The following TMEM132C variants were observed in gnomAD, a reference collection of about 807,000 sequenced individuals.
TMEM132C encodes the protein transmembrane protein 132C.
Under a neutral mutation model 61.4 loss-of-function variants are expected in TMEM132C, and 29 were observed. The ratio of observed to expected loss-of-function variants is 0.47; its 90% CI spans 0.35 to 0.64. The LOEUF (loss-of-function observed/expected upper bound fraction) is 0.64, where lower values mean the gene tolerates loss of function less well. Ranked by LOEUF, TMEM132C falls within the 30% of genes least tolerant of loss-of-function variation. TMEM132C has a pLI of 0.00. For synonymous variants in TMEM132C, 656 were observed against 633.1 expected (o/e 1.04, Z -0.54); for missense variants, 1,408 against 1,476.9 (o/e 0.95, Z 0.76).
intron 3 of TMEM132C, among the ~76,000 whole-genome samples, chr12:128,582,939 C>T (rs1415023614): frequency 6.6e-6 from 1 of 152,110 alleles, no homozygotes; most frequent in African/African-American, 2.4e-5. Flanking sequence ...GGTGCCCAGC[C>T]CTGTACAGAC....
At chr12:128,664,956 C>CACACAGGCACTTGCAATAA (rs1954441185) in intron 4 of TMEM132C, among the ~76,000 whole-genome samples, 1 of 152,050 alleles carries the variant, frequency 6.6e-6, no homozygotes, top group African/African-American at 2.4e-5. Flanking sequence ...CAATATCATA[C>CACACAGGCACTTGCAATAA]ACACAGGCAC....
chr12:128,533,992 C>T (rs1170455634), intron 2 of TMEM132C, among the ~76,000 whole-genome samples: 1 of 151,272 alleles, frequency 6.6e-6, no homozygotes, highest in African/African-American at 2.4e-5. Flanking sequence ...CCTCATCATA[C>T]CCAGGCACTC....
At chr12:128,279,146 T>A (rs1432006622) in intron 1 of TMEM132C, among the ~76,000 whole-genome samples, 2 of 152,116 alleles carry the variant, frequency 1.3e-5, no homozygotes, top group African/African-American at 4.8e-5. Context: ...GCAAAGGGAA[T>A]TTTGTTTTCT....
intron 3 of TMEM132C, among the ~76,000 whole-genome samples, chr12:128,601,061 C>T (rs1876168312): frequency 6.6e-6 from 1 of 152,178 alleles, no homozygotes. Context: ...GGAGCAAATC[C>T]AGTTTCTGTC....
chr12:128,490,411 AT>A (rs1318300986), intron 2 of TMEM132C, among the ~76,000 whole-genome samples: 4 of 152,138 alleles, frequency 2.6e-5, no homozygotes, highest in Non-Finnish European at 5.9e-5. Context: ...TGTGAAGCAA[AT>A]TCCCCCCTTC....
chr12:128,525,443 C>G (rs1330649461), intron 2 of TMEM132C, among the ~76,000 whole-genome samples: 2 of 152,038 alleles, frequency 1.3e-5, no homozygotes, highest in East Asian at 3.9e-4. Flanking sequence ...CAACCTCACA[C>G]CTGCCAACCT....
At chr12:128,577,166 G>A (rs192921991) in intron 3 of TMEM132C, among the ~76,000 whole-genome samples, 9 of 152,230 alleles carry the variant, frequency 5.9e-5, no homozygotes, top group Admixed American at 1.3e-4. Context: ...TTATGTACAT[G>A]GAATCATAAA....
At chr12:128,333,066 A>G (rs183401243) in intron 1 of TMEM132C, among the ~76,000 whole-genome samples, 2 of 151,742 alleles carry the variant, frequency 1.3e-5, no homozygotes, top group Admixed American at 1.3e-4. Context: ...TTGTGTGTAT[A>G]TGTATGGGTG....
intron 4 of TMEM132C, among the ~76,000 whole-genome samples, chr12:128,631,910 C>G (rs1353810476): frequency 6.6e-6 from 1 of 152,312 alleles, no homozygotes; most frequent in East Asian, 1.9e-4. Context: ...AAGCAGCCAC[C>G]CTGACTGTGA....
chr12:128,532,215 T>G (rs1042813346), intron 2 of TMEM132C, among the ~76,000 whole-genome samples: 1 of 152,182 alleles, frequency 6.6e-6, no homozygotes, highest in African/African-American at 2.4e-5. Context: ...AATGTGTATT[T>G]AGGGGAAAAG....
intron 1 of TMEM132C, among the ~76,000 whole-genome samples, chr12:128,309,439 C>T (rs529480598): frequency 6.6e-5 from 10 of 152,226 alleles, no homozygotes; most frequent in African/African-American, 1.7e-4. Context: ...TGGTATTCAG[C>T]GCATTCACAA....
intron 3 of TMEM132C, among the ~76,000 whole-genome samples, chr12:128,601,360 C>T (rs554159261): frequency 9.8e-5 from 15 of 152,346 alleles, no homozygotes; most frequent in South Asian, 4.1e-4. Flanking sequence ...TTCTTCACTC[C>T]GCAAACATTT....
chr12:128,604,287 GTAGA>G (rs1041126569), intron 3 of TMEM132C, among the ~76,000 whole-genome samples: 15 of 152,104 alleles, frequency 9.9e-5, no homozygotes, highest in African/African-American at 3.1e-4. Context: ...TAATTGATTG[GTAGA>G]TAGATGGGAT....
intron 4 of TMEM132C, among the ~76,000 whole-genome samples, chr12:128,633,885 G>C (rs1954081095): frequency 6.6e-6 from 1 of 152,168 alleles, no homozygotes; most frequent in Non-Finnish European, 1.5e-5. Context: ...ATATTCCCAA[G>C]ATAATGGGAT....
chr12:128,449,224 C>A (rs1412456205), intron 2 of TMEM132C, among the ~76,000 whole-genome samples: 2 of 151,224 alleles, frequency 1.3e-5, no homozygotes, highest in African/African-American at 2.4e-5. Flanking sequence ...GAAAACTGAG[C>A]CCATTTTTCT....
rs1954845030 is a variant in TMEM132C, at chr12:128,706,878, T to C, written c.*583T>C. 1 of 152,012 alleles carries C rather than the reference T, an allele frequency of 6.6e-6. No individual in the cohort carries two copies. Among genetic ancestry groups the C allele is most frequent in the African/African-American group, 2.4e-5 (1 of 41,448 alleles). The allele number at this position is 152,012 out of a possible 1,614,324, so 9.4% of individuals were successfully genotyped here. ...TTTTATTTTCTTTTCCACTTTTTCC[T>C]TTTTTCTCTCTCTCTGTGTCCTAGA... is the stretch of plus-strand genomic sequence containing the variant. On this transcript the variant is annotated 3_prime_UTR_variant, in exon 9 of 9. Coordinates refer to ENST00000435159, the MANE Select transcript of TMEM132C (RefSeq NM_001136103.3).
intron 2 of TMEM132C, among the ~76,000 whole-genome samples, chr12:128,485,963 G>GTT (rs1179030555): frequency 9.2e-5 from 14 of 152,312 alleles, no homozygotes; most frequent in Non-Finnish European, 1.8e-4. Flanking sequence ...GTTAGACTTT[G>GTT]AGGTGTAGAG....
At chr12:128,304,477 C>G (rs968579652) in intron 1 of TMEM132C, among the ~76,000 whole-genome samples, 3 of 152,042 alleles carry the variant, frequency 2.0e-5, no homozygotes, top group African/African-American at 7.2e-5. Context: ...GGCATGGTGG[C>G]GGGCACCTGT....
chr12:128,533,690 C>A (rs1873410646), intron 2 of TMEM132C, among the ~76,000 whole-genome samples: 1 of 152,148 alleles, frequency 6.6e-6, no homozygotes, highest in Non-Finnish European at 1.5e-5. Flanking sequence ...GTGATTACCT[C>A]TGTAAAGATC....
Sources: gnomAD v4.1 joint callset for allele counts (sites outside exome capture counted in the v4.1 genomes callset) on GRCh38, gnomAD v4.1.1 for gene constraint, MANE v1.5 for transcripts, NCBI Gene and HGNC (gene_info 2026-07-23, HGNC 2026-07-21) for gene names.